Variants in COX7B observed in about 807,000 individuals in gnomAD.
COX7B encodes the protein cytochrome c oxidase subunit 7B, also known as cytochrome c oxidase subunit 7B, mitochondrial.
In COX7B, 2 loss-of-function variants were observed where a neutral mutation model predicts 7.9. The observed-to-expected ratio is 0.25, with a 90% confidence interval of 0.10 to 0.79. COX7B has a LOEUF of 0.79. COX7B is among the 30% of genes least tolerant of loss of function. The probability of loss-of-function intolerance (pLI) is 0.69; values close to 1 mark genes in which losing one functional copy is unlikely to be tolerated. For missense variants in COX7B, 54 were observed against 62.7 expected, an observed-to-expected ratio of 0.86 and a Z score of 0.47; for synonymous variants, 19 against 21.1, an observed-to-expected ratio of 0.90 and a Z score of 0.27.
At chrX:77,902,987 G>A (rs1603367139) in intron 2 of COX7B, 1 of 297,793 alleles carries the variant, frequency 3.4e-6, no homozygotes, top group East Asian at 5.0e-5. Context: ...TGGATCACAA[G>A]GCAGCCCTTT....
chrX:77,905,868 G>T lies in COX7B; in HGVS notation c.*607G>T, dbSNP rs1557221115. On this transcript the variant is annotated 3_prime_UTR_variant, in exon 3 of 3. Coordinates refer to ENST00000650309, the MANE Select transcript of COX7B (RefSeq NM_001866.3). ...GGGTTTCACCATGTTGGTCAGGCTG[G>T]TCTCGAGCTCCTGATCTCGTGATCC... is the stretch of plus-strand genomic sequence containing the variant. 9.0e-6 allele frequency: 1 copy of T among 111,077 alleles called. No homozygotes were observed. Among genetic ancestry groups the T allele is most frequent in the African/African-American group, 3.3e-5 (1 of 30,537 alleles). 9.2% of individuals were successfully genotyped at this position (111,077 alleles called of 1,213,427 possible).
chrX:77,902,977 T>TG, intron 2 of COX7B: 1 of 314,947 alleles, frequency 3.2e-6, no homozygotes, highest in Non-Finnish European at 5.5e-6. Context: ...AATTGCTTAC[T>TG]GGATCACAAG....
At chrX:77,900,935 T>C (rs1480188891) in intron 1 of COX7B, among the ~76,000 whole-genome samples, 1 of 112,321 alleles carries the variant, frequency 8.9e-6, no homozygotes, top group Non-Finnish European at 1.9e-5. Flanking sequence ...GTTGAAGTTA[T>C]GAGATGTTGC....
At chrX:77,900,019 G>T (rs2077116518) in intron 1 of COX7B, among the ~76,000 whole-genome samples, 1 of 111,817 alleles carries the variant, frequency 8.9e-6, no homozygotes, top group Non-Finnish European at 1.9e-5. Flanking sequence ...TGGTTTAATT[G>T]CAGGGAAACA....
At chrX:77,901,697 T>G (rs1013914289) in intron 1 of COX7B, 5 of 111,423 alleles carry the variant, frequency 4.5e-5, no homozygotes, top group African/African-American at 1.6e-4. Flanking sequence ...ACAGGATCTC[T>G]GTCTTATACT....
intron 2 of COX7B, among the ~76,000 whole-genome samples, chrX:77,904,641 CAAAA>C (rs782806719): frequency 6.2e-5 from 4 of 64,190 alleles, no homozygotes; most frequent in East Asian, 9.3e-4. Context: ...GAGACTGTCT[CAAAA>C]AAAAAAAAAG....
In COX7B at chrX:77,900,056, A is replaced by G. The variant is rs956889771; in HGVS notation, c.40+463A>G. ...CCCAAATGGTATCGATGCAGCTTTGAAGTTATTTGTGGATTAACAATGTTA... is the reference window on the plus strand; with the variant it reads ...CCCAAATGGTATCGATGCAGCTTTGGAGTTATTTGTGGATTAACAATGTTA... On this transcript the variant is annotated intron_variant, in intron 1 of 2. Transcript: ENST00000650309. Among the ~76,000 whole-genome samples the G allele has an allele frequency of 2.7e-5, 3 of 112,010 alleles. No individual in the cohort carries two copies. The Admixed American group carries it at 2.9e-4, about 11-fold the overall frequency.
rs1349769578 is a variant in COX7B, at chrX:77,905,485, T to G, written c.*224T>G. On this transcript the variant is annotated 3_prime_UTR_variant, in exon 3 of 3. Transcript: ENST00000650309. ...GCTGTGCAGCTTCTTAAATAGGTTT[T>G]TTTTTTTTTTTTTTTTTTTTTTTGG... is the stretch of plus-strand genomic sequence containing the variant. 3.1e-5 allele frequency: 5 copies of G among 158,879 alleles called. No homozygotes were observed. In the East Asian group the frequency reaches 4.5e-4, roughly 14 times the overall value. 13.1% of individuals were successfully genotyped at this position (158,879 alleles called of 1,213,427 possible).
chrX:77,903,010 G>A (rs2077124905), intron 2 of COX7B: 1 of 251,520 alleles, frequency 4.0e-6, no homozygotes, highest in Non-Finnish European at 7.0e-6. Context: ...ATCTTGTGTA[G>A]CTGTTTTTTT....
intron 2 of COX7B, 122 bp from the exon 3 acceptor site, chrX:77,905,062 C>A: frequency 1.8e-6 from 1 of 560,347 alleles, no homozygotes; most frequent in East Asian, 3.5e-5. Flanking sequence ...GTATTAGATC[C>A]CAGGTGAGTT....
At chrX:77,905,130 G>T in intron 2 of COX7B, 54 bp from the exon 3 acceptor site, 2 of 942,081 alleles carry the variant, frequency 2.1e-6, no homozygotes, top group Non-Finnish European at 1.5e-6. Context: ...AATAGTCTCC[G>T]AGAGAGTGTA....
Position 77,905,289 on chromosome X carries a change from G to T in COX7B, c.*28G>T. ...ATCCCAGCTGGTGTAATAATGAATT[G>T]TTTAAAAAACAGCTCATAATTGATG... On this transcript the variant is annotated 3_prime_UTR_variant, in exon 3 of 3. Transcript: ENST00000650309. 1.8e-6 allele frequency: 2 copies of T among 1,126,660 alleles called. No homozygotes were observed. The highest frequency in any genetic ancestry group is 2.4e-6 in the Non-Finnish European group (2 of 820,260). 92.8% of individuals were successfully genotyped at this position (1,126,660 alleles called of 1,213,427 possible).
intron 1 of COX7B, among the ~76,000 whole-genome samples, chrX:77,900,353 G>A (rs1557220562): frequency 1.8e-5 from 2 of 112,223 alleles, no homozygotes; most frequent in East Asian, 2.8e-4. Context: ...CAACAAGAGC[G>A]GGACTCCGTC....
chrX:77,900,448 G>A (rs992333643), intron 1 of COX7B, among the ~76,000 whole-genome samples: 6 of 112,288 alleles, frequency 5.3e-5, no homozygotes, highest in African/African-American at 1.9e-4. Flanking sequence ...GCAGGTACAG[G>A]GAGTTTTGAG....
In COX7B at chrX:77,907,313, C is replaced by T. The variant is rs929466736; in HGVS notation, c.*2052C>T. 2.1e-4 allele frequency: 23 copies of T among 111,882 alleles called. No individual in the cohort carries two copies. The highest frequency in any genetic ancestry group is 6.8e-4 in the African/African-American group (21 of 30,839). 9.2% of individuals were successfully genotyped at this position (111,882 alleles called of 1,213,427 possible). On this transcript the variant is annotated 3_prime_UTR_variant, in exon 3 of 3. Transcript: ENST00000650309. ...TACTGAAGTATTCAAATACATACAA[C>T]CCTGAGCGATATTGAAGTAAAATAA...
chrX:77,900,325 A>C (rs2077117210), intron 1 of COX7B, among the ~76,000 whole-genome samples: 1 of 112,159 alleles, frequency 8.9e-6, no homozygotes, highest in Non-Finnish European at 1.9e-5. Context: ...CAAGACTGCT[A>C]CTGCACTCCA....
chrX:77,902,758 A>C lies in COX7B; in HGVS notation c.156A>C (p.Thr52=), dbSNP rs782763224. Residue 52 remains threonine (T), a synonymous_variant, in exon 2 of 3, where the codon ACA becomes ACC. Coordinates refer to ENST00000650309, the MANE Select transcript of COX7B (RefSeq NM_001866.3). The stretch of plus-strand genomic sequence containing the variant: ...GTGGAGCCACTTTCTGTATTGTTAC[A>C]TGGACATATGTAAGTACTATTGATT... ...LASGATFCIV[T]WTYVATQVGI... 3 of 1,204,573 alleles carry C rather than the reference A, an allele frequency of 2.5e-6. No individual in the cohort carries two copies. Among genetic ancestry groups the C allele is most frequent in the Admixed American group, 2.2e-5 (1 of 45,384 alleles).
rs1464759811 is a variant in COX7B, at chrX:77,906,851, C to A, written c.*1590C>A. 1 of 111,347 alleles carries A rather than the reference C, an allele frequency of 9.0e-6. No homozygotes were observed. The highest frequency in any genetic ancestry group is 3.3e-5 in the African/African-American group (1 of 30,638). The allele number at this position is 111,347 out of a possible 1,213,427, so 9.2% of individuals were successfully genotyped here. A position where few individuals can be genotyped will look rare whatever the true frequency, so the allele number is the denominator to read the frequency against. On this transcript the variant is annotated 3_prime_UTR_variant, in exon 3 of 3. Coordinates refer to ENST00000650309, the MANE Select transcript of COX7B (RefSeq NM_001866.3). ...CCATGTTGGCCAACCTGGTCTTGAA[C>A]TCCTGACCTCAGGCGATCCACCCAC...
intron 1 of COX7B, among the ~76,000 whole-genome samples, chrX:77,901,178 A>T (rs908584245): frequency 2.7e-5 from 3 of 111,398 alleles, no homozygotes; most frequent in Admixed American, 9.6e-5. Flanking sequence ...TGGTCTAATA[A>T]CTATCATGAA....
Sources: allele counts gnomAD v4.1 joint callset (sites outside exome capture counted in the v4.1 genomes callset), GRCh38; gene constraint gnomAD v4.1.1; transcripts MANE v1.5; gene names NCBI Gene and HGNC (gene_info 2026-07-23, HGNC 2026-07-21).